The following RCAN2 variants were observed in gnomAD, a reference collection of about 807,000 sequenced individuals.
The protein encoded by RCAN2 is calcipressin-2.
A neutral mutation model predicts 23.6 loss-of-function variants in RCAN2; 9 were observed. That is an observed-to-expected ratio of 0.38 (90% CI 0.23 to 0.67). The LOEUF is 0.67. Ranked by LOEUF, RCAN2 falls within the 30% of genes least tolerant of loss-of-function variation. The pLI is 0.51. For synonymous variants in RCAN2, 109 were observed against 115.7 expected (o/e 0.94, Z 0.37); for missense variants, 273 against 302.3 (o/e 0.90, Z 0.72).
At chr6:46,385,237 G>T (rs74871237) in intron 2 of RCAN2, among the ~76,000 whole-genome samples, 1 of 152,200 alleles carries the variant, frequency 6.6e-6, no homozygotes, top group African/African-American at 2.4e-5. Context: ...TACAGGAGAG[G>T]CACAAATCTG....
intron 2 of RCAN2, among the ~76,000 whole-genome samples, chr6:46,305,347 T>A (rs758310643): frequency 1.5e-4 from 23 of 152,162 alleles, no homozygotes; most frequent in Middle Eastern, 3.4e-3. Flanking sequence ...TTCCACAGAA[T>A]CCAGCAGATA....
intron 2 of RCAN2, among the ~76,000 whole-genome samples, chr6:46,418,963 C>G (rs1031325465): frequency 6.6e-6 from 1 of 151,628 alleles, no homozygotes; most frequent in Non-Finnish European, 1.5e-5. Flanking sequence ...CGGCACACAC[C>G]TGTAGTCCTA....
chr6:46,369,405 T>C (rs578008626), intron 2 of RCAN2, among the ~76,000 whole-genome samples: 3 of 152,358 alleles, frequency 2.0e-5, no homozygotes, highest in Non-Finnish European at 4.4e-5. Flanking sequence ...TATTATGTAC[T>C]GTACATAATT....
chr6:46,350,916 G>A (rs116686547), intron 2 of RCAN2, among the ~76,000 whole-genome samples: 148 of 152,230 alleles, frequency 9.7e-4, no homozygotes, highest in African/African-American at 3.4e-3. Context: ...GCCCCAAACT[G>A]CCTCTCATGA....
At chr6:46,393,782 T>G (rs1252393230) in intron 2 of RCAN2, among the ~76,000 whole-genome samples, 2 of 152,156 alleles carry the variant, frequency 1.3e-5, no homozygotes, top group Non-Finnish European at 2.9e-5. Flanking sequence ...CTCTTGGAAC[T>G]CTTCCATTTT....
intron 2 of RCAN2, among the ~76,000 whole-genome samples, chr6:46,345,137 C>T (rs187539234): frequency 5.3e-5 from 8 of 151,768 alleles, no homozygotes; most frequent in Admixed American, 3.9e-4. Context: ...AAGTAGACTT[C>T]AAGACAAAAA....
chr6:46,406,395 T>C (rs916008881), intron 2 of RCAN2, among the ~76,000 whole-genome samples: 4 of 152,232 alleles, frequency 2.6e-5, no homozygotes, highest in African/African-American at 9.6e-5. Context: ...CCAAATAAAG[T>C]CACTCCTCCA....
rs572665114 is a variant in RCAN2 at position 46,415,657 on chromosome 6, G to A, written c.225+41095C>T. ...AGAAGACTAAAAAGGAGAGTTAGGA[G>A]AGGAACTAGTACCTAGCACATAGGT... On this transcript the variant is annotated intron_variant, in intron 2 of 4. Transcript: ENST00000371374. Among the ~76,000 whole-genome samples, 10 of 152,248 alleles carry A rather than the reference G, an allele frequency of 6.6e-5. No individual in the cohort carries two copies. The South Asian group carries it at 1.7e-3, about 25-fold the overall frequency.
intron 2 of RCAN2, among the ~76,000 whole-genome samples, chr6:46,339,666 G>A (rs1764244039): frequency 6.6e-6 from 1 of 152,116 alleles, no homozygotes; most frequent in South Asian, 2.1e-4. Flanking sequence ...TACGACAGTA[G>A]CTTCTTGACC....
intron 2 of RCAN2, among the ~76,000 whole-genome samples, chr6:46,254,479 T>C (rs77414971): frequency 6.6e-6 from 1 of 152,250 alleles, no homozygotes; most frequent in African/African-American, 2.4e-5. Flanking sequence ...ATGACCTTAC[T>C]GAGAGAGCTG....
chr6:46,426,420 A>G (rs1184502014), intron 2 of RCAN2, among the ~76,000 whole-genome samples: 1 of 152,158 alleles, frequency 6.6e-6, no homozygotes, highest in African/African-American at 2.4e-5. Flanking sequence ...TTTTTGGATA[A>G]ATGTTAATTC....
intron 2 of RCAN2, among the ~76,000 whole-genome samples, chr6:46,396,434 G>T (rs1246216198): frequency 6.6e-6 from 1 of 152,180 alleles, no homozygotes; most frequent in Non-Finnish European, 1.5e-5. Context: ...ATTAAAGAGG[G>T]CTGATATGTC....
intron 2 of RCAN2, among the ~76,000 whole-genome samples, chr6:46,290,650 C>T (rs896046521): frequency 4.6e-5 from 7 of 152,130 alleles, no homozygotes; most frequent in Non-Finnish European, 7.4e-5. Flanking sequence ...CAAAGTCTAT[C>T]TTGAAAATTC....
chr6:46,365,880 G>T (rs1466871044), intron 2 of RCAN2, among the ~76,000 whole-genome samples: 1 of 152,156 alleles, frequency 6.6e-6, no homozygotes, highest in African/African-American at 2.4e-5. Flanking sequence ...AACATTATTG[G>T]TGACTTTCTT....
intron 1 of RCAN2, among the ~76,000 whole-genome samples, chr6:46,472,360 CTTCCT>C (rs1768580253): frequency 6.6e-6 from 1 of 152,210 alleles, no homozygotes; most frequent in African/African-American, 2.4e-5. Context: ...TGTATTGGGA[CTTCCT>C]TTTAATAGCA....
intron 1 of RCAN2, among the ~76,000 whole-genome samples, chr6:46,465,970 A>C (rs1428657943): frequency 1.3e-5 from 2 of 152,234 alleles, no homozygotes; most frequent in Non-Finnish European, 1.5e-5. Flanking sequence ...TTGAAGATTC[A>C]TCACCTCTGA....
At chr6:46,377,494 G>C (rs1285766678) in intron 2 of RCAN2, among the ~76,000 whole-genome samples, 1 of 152,210 alleles carries the variant, frequency 6.6e-6, no homozygotes, top group Non-Finnish European at 1.5e-5. Context: ...GAGACTTGGT[G>C]TACAGCGTTA....
intron 1 of RCAN2, among the ~76,000 whole-genome samples, chr6:46,480,739 C>T (rs1314331040): frequency 6.6e-6 from 1 of 152,056 alleles, no homozygotes; most frequent in Non-Finnish European, 1.5e-5. Flanking sequence ...CATTCTCTTG[C>T]CTCAGGCTCC....
intron 2 of RCAN2, among the ~76,000 whole-genome samples, chr6:46,410,451 T>TA (rs35661450): frequency 3.3e-5 from 5 of 151,962 alleles, no homozygotes; most frequent in Admixed American, 6.5e-5. Flanking sequence ...TAGGACATGG[T>TA]AAAAAAAGGT....
Sources: allele counts gnomAD v4.1 joint callset (sites outside exome capture counted in the v4.1 genomes callset), GRCh38; gene constraint gnomAD v4.1.1; transcripts MANE v1.5; gene names NCBI Gene and HGNC (gene_info 2026-07-23, HGNC 2026-07-21).